DIS3: variants seen among roughly 807,000 people sequenced by gnomAD.
The protein encoded by DIS3 is DIS3 exosome endoribonuclease and 3'-5' exoribonuclease.
In DIS3, 103 loss-of-function variants were observed where a neutral mutation model predicts 113.0. The ratio of observed to expected loss-of-function variants is 0.91; its 90% confidence interval spans 0.78 to 1.07. The LOEUF (loss-of-function observed/expected upper bound fraction) is 1.07. DIS3 is among the 50% of genes least tolerant of loss of function. The pLI is 0.00. For missense variants in DIS3, 1,121 were observed against 1,167.1 expected (o/e 0.96, Z 0.58); for synonymous variants, 402 against 394.3 (o/e 1.02, Z -0.23).
In DIS3 at chr13:72,753,958, C is replaced by A; in HGVS notation, c.*5837G>T. The A allele has an allele frequency of 1.1e-6, 1 of 872,484 alleles. No homozygotes were observed. The highest frequency in any genetic ancestry group is 1.7e-6 in the Non-Finnish European group (1 of 585,638). The allele number at this position is 872,484 out of a possible 1,614,324, so 54.0% of individuals were successfully genotyped here. A position where few individuals can be genotyped will look rare whatever the true frequency, so the allele number is the denominator to read the frequency against. ...AAAGGTAAGCCTGTTTTCTTAACAT[C>A]CAATAACCTTTAAATATTTTGGTTA... On this transcript the variant is annotated 3_prime_UTR_variant, in exon 21 of 21. Transcript: ENST00000377767.
rs1285712299 is a variant in DIS3 at position 72,781,315 on chromosome 13, G to A, written c.228+290C>T. On this transcript the variant is annotated intron_variant, in intron 1 of 20. Coordinates refer to ENST00000377767, the MANE Select transcript of DIS3 (RefSeq NM_014953.5). ...AGCTGCCTGGGAGTCGCAGGCTGGA[G>A]GCCACAGAAGCCCAGGTCCCCGGCC... 12 of 1,551,072 alleles carry A rather than the reference G, an allele frequency of 7.7e-6. No individual in the cohort carries two copies. In the Admixed American group the frequency reaches 2.4e-4, roughly 30 times the overall value.
rs1171470617 is a variant in DIS3, at chr13:72,756,152, T to TAA, written c.*3641_*3642dup. On this transcript the variant is annotated 3_prime_UTR_variant, in exon 21 of 21. Transcript: ENST00000377767. ...ATTTTTGTATTTATAAATCAACTTT[T>TAA]AAAAACTGTCTCATTCAAAAGGGAA... is the stretch of plus-strand genomic sequence containing the variant. The TAA allele has an allele frequency of 2.0e-5, 4 of 198,180 alleles. No homozygotes were observed. Among genetic ancestry groups the TAA allele is most frequent in the Non-Finnish European group, 3.3e-5 (4 of 120,614 alleles). 12.3% of individuals were successfully genotyped at this position (198,180 alleles called of 1,614,324 possible).
chr13:72,761,285 G>C, intron 19 of DIS3, 78 bp downstream of exon 19: 2 of 1,511,672 alleles, frequency 1.3e-6, no homozygotes, highest in Non-Finnish European at 1.8e-6. Flanking sequence ...ATAATTTTAT[G>C]CTTTATAGGT....
intron 14 of DIS3, among the ~76,000 whole-genome samples, chr13:72,768,234 G>A (rs927516389): frequency 6.6e-6 from 1 of 152,150 alleles, no homozygotes; most frequent in Non-Finnish European, 1.5e-5. Context: ...ATCTTAGGGT[G>A]TTCTTGCCTT....
At position 72,776,019 on chromosome 13, in the gene DIS3, G is replaced by C. The variant is rs2034009725; in HGVS notation, c.728C>G (p.Ser243Cys). 1 of 1,611,072 alleles carries C rather than the reference G, an allele frequency of 6.2e-7. No individual in the cohort carries two copies. The highest frequency in any genetic ancestry group is 8.5e-7 in the Non-Finnish European group (1 of 1,179,118). ...PLSKLQQGIKSGTYLQGTFRA... is the reference protein window; with the variant it reads ...PLSKLQQGIKCGTYLQGTFRA... ...AAATGTTCCTTGAAGGTATGTACCA[G>C]ATTTTATGCCTTGCTGTAGCTTACT... The change falls in exon 5 of 21, where the codon TCT becomes TGT. Residue 243 changes from serine to cysteine, a missense_variant. Physicochemically the swap from Ser to Cys is moderately radical, Grantham distance 112 (BLOSUM62 -1). This residue lies in a region of DIS3 where 861 missense variants were observed against 915.5 expected (regional missense o/e 0.94). Coordinates refer to ENST00000377767, the MANE Select transcript of DIS3 (RefSeq NM_014953.5).
At chr13:72,773,659 C>A in intron 8 of DIS3, 25 bp downstream of exon 8, 2 of 1,590,508 alleles carry the variant, frequency 1.3e-6, no homozygotes, top group Non-Finnish European at 1.7e-6. Flanking sequence ...AACATCCCCA[C>A]ATAAAATTAA....
At position 72,753,584 on chromosome 13, in the gene DIS3, T is replaced by G; in HGVS notation, c.*6211A>C. The stretch of plus-strand genomic sequence containing the variant: ...GTTCAACATGATCAATATTACATGT[T>G]AGGATCATTCAGATGTAGTGAATGA... On this transcript the variant is annotated 3_prime_UTR_variant, in exon 21 of 21. Transcript: ENST00000377767. The G allele has an allele frequency of 8.5e-7, 1 of 1,170,626 alleles. No homozygotes were observed. The highest frequency in any genetic ancestry group is 1.2e-6 in the Non-Finnish European group (1 of 827,454). The allele number at this position is 1,170,626 out of a possible 1,614,324, so 72.5% of individuals were successfully genotyped here. A position where few individuals can be genotyped will look rare whatever the true frequency, so the allele number is the denominator to read the frequency against.
chr13:72,774,051 AG>A lies in DIS3; in HGVS notation c.995del (p.Thr332MetfsTer3). On this transcript the variant is annotated frameshift_variant, in exon 7 of 21. Coordinates refer to ENST00000377767, the MANE Select transcript of DIS3 (RefSeq NM_014953.5). LOFTEE classifies it high-confidence loss of function. ...GCTTCAACATTTTCTCGCTTACAGC[AG>A]TCTTAAGCTGAGATATAAAAATTAA... ...KEEETERMLK[T>X]AVSEKMLKPT... 1 of 1,589,586 alleles carries A rather than the reference AG, an allele frequency of 6.3e-7. No homozygotes were observed. Among genetic ancestry groups the A allele is most frequent in the Non-Finnish European group, 8.5e-7 (1 of 1,171,448 alleles).
At chr13:72,768,512 T>C (rs1367510957) in intron 14 of DIS3, among the ~76,000 whole-genome samples, 4 of 152,122 alleles carry the variant, frequency 2.6e-5, no homozygotes, top group African/African-American at 9.7e-5. Flanking sequence ...TAGCTGGGCG[T>C]GGTGGTGGGC....
chr13:72,781,745 C>G lies in DIS3; in HGVS notation c.88G>C (p.Gly30Arg), dbSNP rs1398551510. 8.1e-6 allele frequency: 13 copies of G among 1,596,192 alleles called. No individual in the cohort carries two copies. The highest frequency in any genetic ancestry group is 1.1e-5 in the Non-Finnish European group (13 of 1,172,020). ...GCTGCGCACCCGGGCGCACCGCAGCCGATGTCGTCTCGCAGGTAGTGCTCG... is the reference window on the plus strand; with the variant it reads ...GCTGCGCACCCGGGCGCACCGCAGCGGATGTCGTCTCGCAGGTAGTGCTCG... ...VREHYLRDDI[G>R]CGAPGCAACG... The change falls in exon 1 of 21, where the codon GGC becomes CGC. Residue 30 changes from glycine to arginine, a missense_variant. Coordinates refer to ENST00000377767, the MANE Select transcript of DIS3 (RefSeq NM_014953.5).
chr13:72,781,701 C>G lies in DIS3; in HGVS notation c.132G>C (p.Glu44Asp). The G allele has an allele frequency of 1.3e-6, 2 of 1,563,694 alleles. No individual in the cohort carries two copies. ...PGCAACGGAH[E>D]GPALEPQPQD... ...GGGGCTGCGGCTCCAGGGCCGGCCCCTCGTGCGCCCCTCCACACGCTGCGC... is the reference window on the plus strand; with the variant it reads ...GGGGCTGCGGCTCCAGGGCCGGCCCGTCGTGCGCCCCTCCACACGCTGCGC... The change falls in exon 1 of 21, where the codon GAG (glutamate) becomes GAC (aspartate). Residue 44 changes from glutamate (E) to aspartate (D), a missense_variant. Around this residue, in one of 3 missense-constraint regions of DIS3, gnomAD observed 254 missense variants for 232.2 expected, o/e 1.09. Coordinates refer to ENST00000377767, the MANE Select transcript of DIS3 (RefSeq NM_014953.5).
At chr13:72,775,764 C>T (rs1416771455) in intron 5 of DIS3, among the ~76,000 whole-genome samples, 161 bp downstream of exon 5, 1 of 150,518 alleles carries the variant, frequency 6.6e-6, no homozygotes, top group African/African-American at 2.4e-5. Flanking sequence ...AACTACCTGA[C>T]AAATTGTGAG....
chr13:72,778,750 C>T (rs575254748), intron 2 of DIS3, among the ~76,000 whole-genome samples: 1 of 152,216 alleles, frequency 6.6e-6, no homozygotes, highest in African/African-American at 2.4e-5. Flanking sequence ...TTCATTCAAA[C>T]TGTAGGTTAA....
intron 9 of DIS3, 53 bp downstream of exon 9, chr13:72,772,640 A>T: frequency 6.5e-7 from 1 of 1,540,098 alleles, no homozygotes; most frequent in Non-Finnish European, 8.7e-7. Flanking sequence ...ATTAAACAAA[A>T]CTAGGCAGGA....
Position 72,755,159 on chromosome 13 carries a change from C to T in DIS3, c.*4636G>A, listed in dbSNP as rs1322296997. Reference sequence around the variant, plus strand: ...TGTCTTCTTTTTCACAGCAAGACCACACAACACAGAGGTGTTGGATGAAAA... The same window carrying T: ...TGTCTTCTTTTTCACAGCAAGACCATACAACACAGAGGTGTTGGATGAAAA... On this transcript the variant is annotated 3_prime_UTR_variant, in exon 21 of 21. Transcript: ENST00000377767. 1.9e-6 allele frequency: 3 copies of T among 1,613,682 alleles called. No homozygotes were observed. The highest frequency in any genetic ancestry group is 1.7e-6 in the Non-Finnish European group (2 of 1,179,780).
chr13:72,781,568 TGGGGCCGCGCTGTC>T, intron 1 of DIS3, 23 bp downstream of exon 1: 1 of 1,479,654 alleles, frequency 6.8e-7, no homozygotes, highest in Non-Finnish European at 9.0e-7. Flanking sequence ...CTTGTCCCCG[TGGGGCCGCGCTGTC>T]CGCGGTTCGC....
At position 72,753,864 on chromosome 13, in the gene DIS3, G is replaced by A. The variant is rs759715494; in HGVS notation, c.*5931C>T. 2.0e-6 allele frequency: 3 copies of A among 1,523,214 alleles called. No individual in the cohort carries two copies. Among genetic ancestry groups the A allele is most frequent in the Non-Finnish European group, 1.8e-6 (2 of 1,114,668 alleles). The allele number at this position is 1,523,214 out of a possible 1,614,324, so 94.4% of individuals were successfully genotyped here. A position where few individuals can be genotyped will look rare whatever the true frequency, so the allele number is the denominator to read the frequency against. ...TGAAAGCTTAATATTGTTTAGATTA[G>A]AAATATAAAATAATTTTGATTATTA... On this transcript the variant is annotated 3_prime_UTR_variant, in exon 21 of 21. Transcript: ENST00000377767.
rs2034004999 is a variant in DIS3 at position 72,775,907 on chromosome 13, A to G, written c.822+18T>C. On this transcript the variant is annotated intron_variant, in intron 5 of 20. Coordinates refer to ENST00000377767, the MANE Select transcript of DIS3 (RefSeq NM_014953.5). The stretch of plus-strand genomic sequence containing the variant: ...TCATCTTTATTTTAGTGTATAAGGA[A>G]TTTATTTATATACTTGCCTCTTTAT... The G allele has an allele frequency of 1.1e-5, 18 of 1,578,118 alleles. No homozygotes were observed. Among genetic ancestry groups the G allele is most frequent in the Non-Finnish European group, 1.5e-5 (17 of 1,163,400 alleles).
Position 72,759,787 on chromosome 13 carries a change from G to T in DIS3, c.*8C>A. On this transcript the variant is annotated 3_prime_UTR_variant, in exon 21 of 21. Coordinates refer to ENST00000377767, the MANE Select transcript of DIS3 (RefSeq NM_014953.5). ...AAACCAGTCTTTGAAGATTTTTGTT[G>T]AATATAGCTATTTTCCAAGCTTCAT... is the stretch of plus-strand genomic sequence containing the variant. The T allele has an allele frequency of 6.2e-7, 1 of 1,608,076 alleles. No individual in the cohort carries two copies. Among genetic ancestry groups the T allele is most frequent in the South Asian group, 1.1e-5 (1 of 89,824 alleles).
Sources: gnomAD v4.1 joint callset for allele counts (sites outside exome capture counted in the v4.1 genomes callset) on GRCh38, gnomAD v4.1.1 for gene constraint, gnomAD v4.1.1 regional missense constraint, MANE v1.5 for transcripts, NCBI Gene and HGNC (gene_info 2026-07-23, HGNC 2026-07-21) for gene names.